Variants in FHIP1A observed in about 807,000 individuals in gnomAD.
FHIP1A encodes FHF complex subunit HOOK-interacting protein 1A.
A neutral mutation model predicts 88.6 loss-of-function variants in FHIP1A; 61 were observed. The ratio of observed to expected loss-of-function variants is 0.69; its 90% confidence interval spans 0.56 to 0.85. The LOEUF (loss-of-function observed/expected upper bound fraction) is 0.85, where lower values mean the gene tolerates loss of function less well. Ranked by LOEUF, FHIP1A falls within the 40% of genes least tolerant of loss-of-function variation. The pLI is 0.00. For synonymous variants in FHIP1A, 478 were observed against 496.0 expected (o/e 0.96, Z 0.48); for missense variants, 1,154 against 1,273.5 (o/e 0.91, Z 1.43).
chr4:151,517,579 T>C (rs1181122332), intron 3 of FHIP1A, among the ~76,000 whole-genome samples: 1 of 152,204 alleles, frequency 6.6e-6, no homozygotes, highest in Non-Finnish European at 1.5e-5. Flanking sequence ...GGTTATTTTG[T>C]AGATGCTGTT....
intron 7 of FHIP1A, among the ~76,000 whole-genome samples, chr4:151,593,458 C>T (rs1462396768): frequency 6.6e-6 from 1 of 152,124 alleles, no homozygotes. Flanking sequence ...GTTTGTAGTT[C>T]TCCTTGAAGA....
At chr4:151,630,539 T>A (rs889302269) in intron 8 of FHIP1A, among the ~76,000 whole-genome samples, 1 of 152,142 alleles carries the variant, frequency 6.6e-6, no homozygotes, top group Non-Finnish European at 1.5e-5. Flanking sequence ...TAGAGCTAAT[T>A]TAATATAAAC....
chr4:151,629,778 T>G lies in FHIP1A; in HGVS notation c.1055T>G (p.Leu352Arg). The change falls in exon 8 of 14, where the codon CTT becomes CGT. Residue 352 changes from leucine to arginine, a missense_variant. By Grantham distance (102) the Leu-to-Arg change is moderately radical. Coordinates refer to ENST00000435205, the MANE Select transcript of FHIP1A (RefSeq NM_001109977.3). Reference protein sequence around the residue: ...FLRSISEPALLEIFLRFILLH... With the variant: ...FLRSISEPALREIFLRFILLH... Reference sequence around the variant, plus strand: ...CGTAGCATCTCCGAGCCAGCACTACTTGAGATCTTCCTCCGTTTTATCCTA... The same window carrying G: ...CGTAGCATCTCCGAGCCAGCACTACGTGAGATCTTCCTCCGTTTTATCCTA... The G allele has an allele frequency of 1.3e-6, 2 of 1,551,484 alleles. No homozygotes were observed. Among genetic ancestry groups the G allele is most frequent in the Non-Finnish European group, 1.7e-6 (2 of 1,146,822 alleles).
chr4:151,649,373 G>C, intron 10 of FHIP1A, 86 bp from the exon 11 acceptor site: 1 of 910,366 alleles, frequency 1.1e-6, no homozygotes, highest in Non-Finnish European at 1.7e-6. Context: ...GCAAGACACA[G>C]TCTTAGCCCG....
intron 3 of FHIP1A, among the ~76,000 whole-genome samples, chr4:151,511,832 T>A (rs547849999): frequency 2.5e-3 from 382 of 152,360 alleles, no homozygotes; most frequent in African/African-American, 8.8e-3. Flanking sequence ...CCTGCCTGCC[T>A]CTGTAGGCTC....
chr4:151,583,381 C>T (rs4371601), intron 5 of FHIP1A, among the ~76,000 whole-genome samples: 16,918 of 152,186 alleles, frequency 0.11, 977 homozygotes, highest in African/African-American at 0.13. Flanking sequence ...CCTTCTGTTC[C>T]GGGAGTATCC....
At chr4:151,498,037 G>A (rs1047974110) in intron 3 of FHIP1A, among the ~76,000 whole-genome samples, 1 of 152,110 alleles carries the variant, frequency 6.6e-6, no homozygotes, top group Non-Finnish European at 1.5e-5. Context: ...TCTCCTCTTA[G>A]TAATATTCCA....
chr4:151,449,682 C>T (rs1728727018), intron 1 of FHIP1A, among the ~76,000 whole-genome samples: 1 of 151,992 alleles, frequency 6.6e-6, no homozygotes, highest in South Asian at 2.1e-4. Flanking sequence ...CCCCATCCTC[C>T]CCTCTCCCAT....
At chr4:151,592,415 TGA>T (rs1734473462) in intron 7 of FHIP1A, among the ~76,000 whole-genome samples, 1 of 152,204 alleles carries the variant, frequency 6.6e-6, no homozygotes, top group Non-Finnish European at 1.5e-5. Context: ...ATTACAGGCG[TGA>T]GCCACCGCGC....
intron 3 of FHIP1A, among the ~76,000 whole-genome samples, chr4:151,551,668 T>G (rs1208596380): frequency 6.6e-6 from 1 of 152,172 alleles, no homozygotes; most frequent in Non-Finnish European, 1.5e-5. Context: ...CCTTACACCT[T>G]ATACAAAAAT....
intron 3 of FHIP1A, among the ~76,000 whole-genome samples, chr4:151,511,873 A>G (rs1038054130): frequency 5.9e-5 from 9 of 152,220 alleles, no homozygotes; most frequent in Non-Finnish European, 2.9e-5. Flanking sequence ...AGACAAACAA[A>G]AAGACAGCAG....
chr4:151,424,008 A>C (rs1022589948), intron 1 of FHIP1A, among the ~76,000 whole-genome samples: 5 of 152,180 alleles, frequency 3.3e-5, no homozygotes, highest in Non-Finnish European at 7.3e-5. Context: ...GGGAGAAGTG[A>C]GGTAGTTCTC....
chr4:151,520,519 AT>A (rs1397390369), intron 3 of FHIP1A, among the ~76,000 whole-genome samples: 1 of 152,100 alleles, frequency 6.6e-6, no homozygotes, highest in Non-Finnish European at 1.5e-5. Context: ...TAAGTTTATA[AT>A]TTTTTATTAT....
At chr4:151,595,075 ATTTG>A (rs1207353696) in intron 7 of FHIP1A, among the ~76,000 whole-genome samples, 3 of 151,808 alleles carry the variant, frequency 2.0e-5, no homozygotes, top group Non-Finnish European at 4.4e-5. Context: ...TAGCTTTTGA[ATTTG>A]TTTGCTCTTG....
In FHIP1A at chr4:151,578,058, G is replaced by C. The variant is rs376159656; in HGVS notation, c.714G>C (p.Glu238Asp). ...ENTMVAHHIV[E>D]NTYFCPVLAT... ...CCATGGTGGCCCATCACATCGTGGA[G>C]AACACCTACTTTTGTCCAGTAAGTC... Residue 238 changes from glutamate (E) to aspartate (D), a missense_variant, in exon 5 of 14, where the codon GAG (glutamate) becomes GAC (aspartate). Glu to Asp is a conservative substitution (Grantham distance 45, BLOSUM62 2). Transcript: ENST00000435205. 4.7e-5 allele frequency: 73 copies of C among 1,550,252 alleles called. No homozygotes were observed. The highest frequency in any genetic ancestry group is 3.7e-5 in the Non-Finnish European group (42 of 1,146,700).
At chr4:151,433,621 G>T (rs574729962) in intron 1 of FHIP1A, among the ~76,000 whole-genome samples, 117 of 152,270 alleles carry the variant, frequency 7.7e-4, no homozygotes, top group African/African-American at 2.8e-3. Context: ...TTAACTAAGG[G>T]CATGGGAGTG....
chr4:151,514,738 C>G lies in FHIP1A; in HGVS notation c.-123+32090C>G, dbSNP rs142520563. On this transcript the variant is annotated intron_variant, in intron 3 of 13. Transcript: ENST00000435205. ...ATAAATTCCTCGACACATACATCCT[C>G]CGAAGACTAAACCAGGAAGAAGTTG... 9.2e-5 allele frequency among the ~76,000 whole-genome samples: 14 copies of G among 151,908 alleles called. No homozygotes were observed. In the East Asian group the frequency reaches 2.5e-3, roughly 27 times the overall value.
rs545441179 is a variant in FHIP1A, at chr4:151,656,658, A to G, written c.2731-102A>G. 675 of 1,294,840 alleles carry G rather than the reference A, an allele frequency of 5.2e-4. 10 individuals carry two copies. In the South Asian group the frequency reaches 9.5e-3, roughly 18 times the overall value. 80.2% of individuals were successfully genotyped at this position (1,294,840 alleles called of 1,614,324 possible). A position where few individuals can be genotyped will look rare whatever the true frequency, so the allele number is the denominator to read the frequency against. ...TAAAAATGAACAAATGTCTAACATC[A>G]TAATAGTTCCCATAATGAGGGTGCT... On this transcript the variant is annotated intron_variant, in intron 12 of 13. Transcript: ENST00000435205. The surrounding 1 kb of genome is among the most constrained non-coding windows in gnomAD (Gnocchi z 4.2).
chr4:151,453,424 C>A (rs750929402), intron 1 of FHIP1A, among the ~76,000 whole-genome samples: 3 of 152,152 alleles, frequency 2.0e-5, no homozygotes, highest in Non-Finnish European at 4.4e-5. Flanking sequence ...AGTCATTTAA[C>A]CTCTCAGTGC....
Sources: allele counts gnomAD v4.1 joint callset (sites outside exome capture counted in the v4.1 genomes callset), GRCh38; gene constraint gnomAD v4.1.1; non-coding constraint Gnocchi (gnomAD v3.1); transcripts MANE v1.5; gene names NCBI Gene and HGNC (gene_info 2026-07-23, HGNC 2026-07-21).